ARL15: variants seen among roughly 807,000 people sequenced by gnomAD.
ARL15 encodes ARF like GTPase 15, also known as ADP-ribosylation factor-like protein 15.
In ARL15, 19 loss-of-function variants were observed where a neutral mutation model predicts 25.2. That is an observed-to-expected ratio of 0.75 (90% CI 0.53 to 1.10). The LOEUF is 1.10. Among genes scored for constraint, ARL15 ranks in the 50% least tolerant of loss-of-function variants. The probability of loss-of-function intolerance (pLI) is 0.00; values close to 1 mark genes in which losing one functional copy is unlikely to be tolerated. For missense variants in ARL15, 220 were observed against 246.0 expected, an observed-to-expected ratio of 0.89 and a Z score of 0.71; for synonymous variants, 94 against 86.8, an observed-to-expected ratio of 1.08 and a Z score of -0.46.
At chr5:53,940,683 G>A (rs964858301) in intron 4 of ARL15, among the ~76,000 whole-genome samples, 11 of 152,280 alleles carry the variant, frequency 7.2e-5, no homozygotes, top group Non-Finnish European at 1.6e-4. Context: ...TAAGAAGGGA[G>A]AGAAGGAAAC....
At chr5:53,888,912 G>T (rs1744627566) in intron 4 of ARL15, among the ~76,000 whole-genome samples, 3 of 152,100 alleles carry the variant, frequency 2.0e-5, no homozygotes, top group Admixed American at 2.0e-4. Flanking sequence ...GCTTCAGGTT[G>T]TATCACTGAG....
At chr5:54,305,839 G>A (rs762773959) in intron 1 of ARL15, among the ~76,000 whole-genome samples, 20 of 152,146 alleles carry the variant, frequency 1.3e-4, no homozygotes, top group Non-Finnish European at 2.4e-4. Context: ...AAGTAAAACC[G>A]TGGATGGGAG....
At chr5:53,996,855 C>T (rs531150455) in intron 4 of ARL15, among the ~76,000 whole-genome samples, 140 of 152,222 alleles carry the variant, frequency 9.2e-4, no homozygotes, top group Non-Finnish European at 1.1e-3. Flanking sequence ...CTGTACCTTA[C>T]GCCTGAAGGC....
chr5:53,928,147 T>C (rs1746091768), intron 4 of ARL15, among the ~76,000 whole-genome samples: 3 of 152,000 alleles, frequency 2.0e-5, no homozygotes, highest in Admixed American at 2.0e-4. Flanking sequence ...GAGACAGGAT[T>C]TGAGATGGAC....
intron 4 of ARL15, among the ~76,000 whole-genome samples, chr5:53,993,088 GA>G (rs949039820): frequency 1.3e-5 from 2 of 149,458 alleles, no homozygotes; most frequent in African/African-American, 4.9e-5. Flanking sequence ...TTTCTTTGTG[GA>G]AAAAAAGATA....
chr5:53,993,495 C>T (rs1477769627), intron 4 of ARL15, among the ~76,000 whole-genome samples: 2 of 152,276 alleles, frequency 1.3e-5, no homozygotes, highest in East Asian at 3.9e-4. Context: ...GTTTTGCAAT[C>T]ATCTCACAAT....
At chr5:53,959,115 A>T (rs10940351) in intron 4 of ARL15, among the ~76,000 whole-genome samples, 1 of 152,012 alleles carries the variant, frequency 6.6e-6, no homozygotes, top group East Asian at 1.9e-4. Context: ...CCTTCTTCTC[A>T]AGTGCATGTG....
intron 4 of ARL15, among the ~76,000 whole-genome samples, chr5:54,104,433 G>C (rs190862917): frequency 6.6e-6 from 1 of 152,194 alleles, no homozygotes; most frequent in Non-Finnish European, 1.5e-5. Context: ...TCTGTGACTT[G>C]TGATGCCAAT....
chr5:54,211,406 A>G (rs1247101512), intron 1 of ARL15, among the ~76,000 whole-genome samples: 3 of 151,938 alleles, frequency 2.0e-5, no homozygotes, highest in Admixed American at 1.3e-4. Context: ...TTCCTTGGGC[A>G]GTTAAAAGAT....
intron 3 of ARL15, among the ~76,000 whole-genome samples, chr5:54,133,753 T>G (rs1344354844): frequency 6.6e-6 from 1 of 152,150 alleles, no homozygotes; most frequent in Non-Finnish European, 1.5e-5. Flanking sequence ...AGAAAGGATT[T>G]CAACCTAACA....
At chr5:53,966,710 G>T (rs538718526) in intron 4 of ARL15, among the ~76,000 whole-genome samples, 1 of 152,308 alleles carries the variant, frequency 6.6e-6, no homozygotes, top group African/African-American at 2.4e-5. Flanking sequence ...CCGTGTTGAC[G>T]ACTGTTACTG....
intron 1 of ARL15, among the ~76,000 whole-genome samples, chr5:54,186,794 T>C (rs913730690): frequency 6.6e-6 from 1 of 151,920 alleles, no homozygotes; most frequent in Non-Finnish European, 1.5e-5. Flanking sequence ...TACAGATTCA[T>C]GAAGATATTA....
intron 1 of ARL15, among the ~76,000 whole-genome samples, chr5:54,252,859 G>A (rs1757271119): frequency 6.6e-6 from 1 of 152,224 alleles, no homozygotes; most frequent in South Asian, 2.1e-4. Context: ...GAGCAGCTGG[G>A]ACCATAGAGG....
chr5:54,013,840 A>AC (rs921039960), intron 4 of ARL15, among the ~76,000 whole-genome samples: 11 of 148,300 alleles, frequency 7.4e-5, no homozygotes, highest in East Asian at 2.0e-4. Context: ...CCATTCCCTT[A>AC]CCCCCCCACC....
rs553119415 is a variant in ARL15 at position 54,214,775 on chromosome 5, C to T, written c.49-42847G>A. ...GTCATATTTATTTATTTATTTTAAA[C>T]CCTCATGTCTCTCACTTTCCTTGCA... On this transcript the variant is annotated intron_variant, in intron 1 of 4. Coordinates refer to ENST00000504924, the MANE Select transcript of ARL15 (RefSeq NM_019087.3). Among the ~76,000 whole-genome samples, 49 of 152,212 alleles carry T rather than the reference C, an allele frequency of 3.2e-4. No homozygotes were observed. The South Asian group carries it at 8.9e-3, about 28-fold the overall frequency.
chr5:54,208,805 C>T (rs1487552712), intron 1 of ARL15, among the ~76,000 whole-genome samples: 1 of 152,140 alleles, frequency 6.6e-6, no homozygotes, highest in Non-Finnish European at 1.5e-5. Context: ...ATTCAGGGGG[C>T]CCCCCAGTGA....
chr5:54,035,083 G>A (rs1750128736), intron 4 of ARL15, among the ~76,000 whole-genome samples: 1 of 150,838 alleles, frequency 6.6e-6, no homozygotes, highest in African/African-American at 2.4e-5. Flanking sequence ...GACAAATATA[G>A]CAAATGAAAT....
At chr5:54,153,310 C>T (rs966974364) in intron 3 of ARL15, among the ~76,000 whole-genome samples, 6 of 152,034 alleles carry the variant, frequency 3.9e-5, no homozygotes, top group African/African-American at 1.4e-4. Flanking sequence ...GCTTGTATTT[C>T]TTTTTTGAAT....
chr5:54,156,623 T>C (rs1036853607), intron 2 of ARL15, among the ~76,000 whole-genome samples: 4 of 152,210 alleles, frequency 2.6e-5, no homozygotes, highest in African/African-American at 9.6e-5. Flanking sequence ...AAAGTACTTT[T>C]GTTGGAGTGA....
Sources: allele counts gnomAD v4.1 joint callset (sites outside exome capture counted in the v4.1 genomes callset), GRCh38; gene constraint gnomAD v4.1.1; transcripts MANE v1.5; gene names NCBI Gene and HGNC (gene_info 2026-07-23, HGNC 2026-07-21).